The following DHX9 variants were observed in gnomAD, a reference collection of about 807,000 sequenced individuals.
The protein encoded by DHX9 is ATP-dependent RNA helicase A.
In DHX9, 27 loss-of-function variants were observed where a neutral mutation model predicts 148.7. That is an observed-to-expected ratio of 0.18 (90% CI 0.13 to 0.25). The LOEUF (loss-of-function observed/expected upper bound fraction) is 0.25. DHX9 is among the 10% of genes least tolerant of loss of function. The probability of loss-of-function intolerance (pLI) is 1.00; values close to 1 mark genes in which losing one functional copy is unlikely to be tolerated. For missense variants in DHX9, 796 were observed against 1,559.6 expected, an observed-to-expected ratio of 0.51 and a Z score of 8.25; for synonymous variants, 529 against 516.6, an observed-to-expected ratio of 1.02 and a Z score of -0.33.
At chr1:182,879,793 T>C (rs930120408) in intron 21 of DHX9, among the ~76,000 whole-genome samples, 37 of 152,270 alleles carry the variant, frequency 2.4e-4, no homozygotes, top group Middle Eastern at 3.4e-3. Context: ...TGGCGTGATC[T>C]CAGCTCACTG....
rs1053317202 is a variant in DHX9, at chr1:182,887,538, G to A, written c.*104G>A. 35 of 1,019,902 alleles carry A rather than the reference G, an allele frequency of 3.4e-5. 1 individual carries two copies. In the Middle Eastern group the frequency reaches 6.4e-4, roughly 19 times the overall value. The allele number at this position is 1,019,902 out of a possible 1,614,324, so 63.2% of individuals were successfully genotyped here. On this transcript the variant is annotated 3_prime_UTR_variant, in exon 28 of 28. Transcript: ENST00000367549. ...GTTTATTTGCCACCAAAAAGTAAAT[G>A]CATTTTCACCCATTCTGTGGTTCAT...
At chr1:182,886,183 A>T (rs553112725) in intron 27 of DHX9, among the ~76,000 whole-genome samples, 1,453 of 141,264 alleles carry the variant, frequency 0.01, 16 homozygotes, top group South Asian at 0.04. Context: ...ATTTTTTTTT[A>T]AATTTATTTA....
At chr1:182,859,692 A>G (rs1266139821) in intron 11 of DHX9, among the ~76,000 whole-genome samples, 1 of 152,052 alleles carries the variant, frequency 6.6e-6, no homozygotes, top group East Asian at 1.9e-4. Context: ...GGCTCACTGC[A>G]CCCTCCGCCT....
intron 5 of DHX9, 35 bp from the exon 6 acceptor site, chr1:182,853,995 A>T: frequency 2.5e-6 from 4 of 1,602,350 alleles, no homozygotes; most frequent in Non-Finnish European, 3.4e-6. Flanking sequence ...ACCTAAACTT[A>T]ACACAGCCAA....
At chr1:182,865,109 A>G (rs555240516) in intron 12 of DHX9, among the ~76,000 whole-genome samples, 93 of 152,356 alleles carry the variant, frequency 6.1e-4, no homozygotes, top group African/African-American at 2.1e-3. Flanking sequence ...GGAAGACAGT[A>G]GTAGAAAAGG....
intron 3 of DHX9, among the ~76,000 whole-genome samples, chr1:182,849,325 C>T (rs994291100): frequency 6.6e-6 from 1 of 152,174 alleles, no homozygotes; most frequent in African/African-American, 2.4e-5. Flanking sequence ...AACTACTCCC[C>T]TTTCTTAGAT....
intron 3 of DHX9, among the ~76,000 whole-genome samples, chr1:182,849,364 C>G (rs1192580861): frequency 6.6e-6 from 1 of 152,152 alleles, no homozygotes; most frequent in Non-Finnish European, 1.5e-5. Flanking sequence ...ACATCTTATT[C>G]ATCTGTTAAT....
At chr1:182,849,128 T>C (rs549314995) in intron 3 of DHX9, among the ~76,000 whole-genome samples, 1 of 152,240 alleles carries the variant, frequency 6.6e-6, no homozygotes, top group Non-Finnish European at 1.5e-5. Context: ...TCCTTTTTCA[T>C]AATCACTTAT....
intron 22 of DHX9, 65 bp downstream of exon 22, chr1:182,880,673 G>C: frequency 9.1e-7 from 1 of 1,094,658 alleles, no homozygotes; most frequent in Non-Finnish European, 1.4e-6. Context: ...TCTCCTCCCT[G>C]TAAAAGCAGT....
chr1:182,853,792 CAT>C (rs1668204758), intron 5 of DHX9, among the ~76,000 whole-genome samples: 1 of 149,934 alleles, frequency 6.7e-6, no homozygotes, highest in East Asian at 2.0e-4. Flanking sequence ...AAGAAGTTGT[CAT>C]TTTTTTTTTT....
intron 27 of DHX9, 115 bp from the exon 28 acceptor site, chr1:182,886,968 T>C: frequency 1.1e-6 from 1 of 885,534 alleles, no homozygotes; most frequent in East Asian, 2.5e-5. Flanking sequence ...TATTTGTGCA[T>C]TTGGCTTCAT....
chr1:182,856,416 A>ATTT, intron 6 of DHX9, 116 bp from the exon 7 acceptor site: 1 of 728,972 alleles, frequency 1.4e-6, no homozygotes, highest in South Asian at 1.8e-5. Flanking sequence ...AATGTTGGTA[A>ATTT]TTTTTTTTTT....
At position 182,876,815 on chromosome 1, in the gene DHX9, T is replaced by G. The variant is rs376348162; in HGVS notation, c.2125-15T>G. Reference sequence around the variant, plus strand: ...TAAGAATATTTTCTGGAGTGTAATTTTTCTTTCTTCACAGGTTATTTTGTC... The same window carrying G: ...TAAGAATATTTTCTGGAGTGTAATTGTTCTTTCTTCACAGGTTATTTTGTC... On this transcript the variant is annotated splice_polypyrimidine_tract_variant and intron_variant, in intron 18 of 27. Coordinates refer to ENST00000367549, the MANE Select transcript of DHX9 (RefSeq NM_001357.5). The G allele has an allele frequency of 6.3e-7, 1 of 1,597,538 alleles. No homozygotes were observed.
intron 3 of DHX9, among the ~76,000 whole-genome samples, chr1:182,847,637 C>CT (rs1462441258): frequency 6.6e-6 from 1 of 152,192 alleles, no homozygotes; most frequent in Non-Finnish European, 1.5e-5. Flanking sequence ...CCCTCACTTT[C>CT]TAGCAGCTTT....
At chr1:182,852,367 C>CGT (rs768594796) in intron 4 of DHX9, 23 bp downstream of exon 4, 1 of 1,506,442 alleles carries the variant, frequency 6.6e-7, no homozygotes, top group East Asian at 2.3e-5. Flanking sequence ...AATCCATGCA[C>CGT]GTGGTGGAGA....
At position 182,874,948 on chromosome 1, in the gene DHX9, T is replaced by G. The variant is rs751018152; in HGVS notation, c.1809T>G (p.Asp603Glu). 4.3e-6 allele frequency: 7 copies of G among 1,611,720 alleles called. No homozygotes were observed. The highest frequency in any genetic ancestry group is 4.5e-5 in the East Asian group (2 of 44,816). The change falls in exon 16 of 28, where the codon GAT (aspartate) becomes GAG (glutamate). Residue 603 changes from aspartate to glutamate, a missense_variant. Physicochemically the swap from Asp to Glu is conservative, Grantham distance 45 (BLOSUM62 2). Coordinates refer to ENST00000367549, the MANE Select transcript of DHX9 (RefSeq NM_001357.5). ...KKDKDDDGGE[D>E]DDANCNLICG... ...ATAAGGATGATGATGGTGGTGAGGA[T>G]GATGATGTAAGTGAATTTCATGAAG...
Position 182,879,385 on chromosome 1 carries a change from G to A in DHX9, c.2487G>A (p.Val829=). The A allele has an allele frequency of 6.5e-7, 1 of 1,527,786 alleles. No homozygotes were observed. Among genetic ancestry groups the A allele is most frequent in the Non-Finnish European group, 8.9e-7 (1 of 1,120,114 alleles). 94.6% of individuals were successfully genotyped at this position (1,527,786 alleles called of 1,614,324 possible). A position where few individuals can be genotyped will look rare whatever the true frequency, so the allele number is the denominator to read the frequency against. The change falls in exon 21 of 28, where the codon GTG becomes GTA. Residue 829 remains valine (V), a synonymous_variant. Transcript: ENST00000367549. The part of the protein sequence containing the change: ...KAIEPPPLDA[V]IEAEHTLREL... ...TTGAACCTCCCCCTTTGGATGCTGT[G>A]ATTGAAGCAGAACACACTCTTAGAG...
intron 15 of DHX9, among the ~76,000 whole-genome samples, chr1:182,874,138 C>G (rs1360214455): frequency 6.6e-6 from 1 of 152,062 alleles, no homozygotes; most frequent in Non-Finnish European, 1.5e-5. Flanking sequence ...CCCCATTTTT[C>G]AAACAAGTGG....
At chr1:182,875,931 C>G in intron 16 of DHX9, 119 bp from the exon 17 acceptor site, 2 of 752,322 alleles carry the variant, frequency 2.7e-6, no homozygotes, top group Non-Finnish European at 4.4e-6. Flanking sequence ...TAGTGTGTGA[C>G]TAGTCAACTA....
Sources: gnomAD v4.1 joint callset for allele counts (sites outside exome capture counted in the v4.1 genomes callset) on GRCh38, gnomAD v4.1.1 for gene constraint, MANE v1.5 for transcripts, NCBI Gene and HGNC (gene_info 2026-07-23, HGNC 2026-07-21) for gene names.